PPP1R42: variants seen among roughly 807,000 people sequenced by gnomAD.
PPP1R42 encodes the protein protein phosphatase 1 regulatory subunit 42, also known as leucine rich repeat containing 67.
A neutral mutation model predicts 31.0 loss-of-function variants in PPP1R42; 34 were observed. The observed-to-expected ratio is 1.10, with a 90% CI of 0.83 to 1.46. PPP1R42 has a LOEUF of 1.46. Ranked by LOEUF, PPP1R42 falls within the 40% of genes most tolerant of loss-of-function variation. The pLI is 0.00. For synonymous variants in PPP1R42, 103 were observed against 109.8 expected (o/e 0.94, Z 0.39); for missense variants, 268 against 303.0 (o/e 0.88, Z 0.86).
rs566568724 is a variant in PPP1R42, at chr8:66,981,132, G to A, written c.802+917C>T. Among the ~76,000 whole-genome samples the A allele has an allele frequency of 1.3e-3, 193 of 152,122 alleles. 1 individual carries two copies. Among genetic ancestry groups the A allele is most frequent in the Non-Finnish European group, 2.2e-3 (151 of 68,000 alleles). ...GCTGGGATTACAGGCATGAGCCACC[G>A]TGCCCCGCCAGACTAGTCAGTTCTT... On this transcript the variant is annotated intron_variant, in intron 7 of 7. Coordinates refer to ENST00000685739, the MANE Select transcript of PPP1R42 (RefSeq NM_001364910.1).
intron 5 of PPP1R42, among the ~76,000 whole-genome samples, chr8:66,988,906 G>GT (rs978264080): frequency 6.6e-6 from 1 of 151,638 alleles, no homozygotes; most frequent in African/African-American, 2.4e-5. Context: ...TAAGGAATGT[G>GT]TGTTGTTGCT....
rs373158753 is a variant in PPP1R42 at position 67,012,975 on chromosome 8, T to A, written c.418A>T (p.Thr140Ser). 1.1e-5 allele frequency: 17 copies of A among 1,606,592 alleles called. No homozygotes were observed. The highest frequency in any genetic ancestry group is 1.4e-5 in the Non-Finnish European group (16 of 1,178,020). Residue 140 changes from threonine (T) to serine (S), a missense_variant, in exon 4 of 8, where the codon ACT (threonine) becomes TCT (serine). Physicochemically the swap from Thr to Ser is moderately conservative, Grantham distance 58. Transcript: ENST00000685739. Reference sequence around the variant, plus strand: ...GAACTTACTGCCAGAGAATGAAGAGTTCTTGGATCAAACAGAAGCTTTTCC... The same window carrying A: ...GAACTTACTGCCAGAGAATGAAGAGATCTTGGATCAAACAGAAGCTTTTCC... ...LGEKLLFDPRTLHSLAKSLCI... is the reference protein window; with the variant it reads ...LGEKLLFDPRSLHSLAKSLCI...
chr8:67,002,911 T>G (rs951666815), intron 5 of PPP1R42, among the ~76,000 whole-genome samples: 1 of 151,328 alleles, frequency 6.6e-6, no homozygotes, highest in Non-Finnish European at 1.5e-5. Flanking sequence ...CCCAGCACTT[T>G]GGGAGGCCGA....
In PPP1R42 at chr8:66,984,490, C is replaced by T; in HGVS notation, c.671-2310G>A. 3 of 1,235,524 alleles carry T rather than the reference C, an allele frequency of 2.4e-6. No homozygotes were observed. In the South Asian group the frequency reaches 3.6e-5, roughly 15 times the overall value. The allele number at this position is 1,235,524 out of a possible 1,614,324, so 76.5% of individuals were successfully genotyped here. On this transcript the variant is annotated intron_variant, in intron 6 of 7. Transcript: ENST00000685739. ...CACCACTCCTATCAGGTACAGTTGC[C>T]CAGCATTGGCCTCAATCTTGAACTT...
intron 6 of PPP1R42, chr8:66,985,270 G>A: frequency 1.0e-6 from 1 of 988,422 alleles, no homozygotes; most frequent in African/African-American, 1.6e-5. Context: ...GCGCTGGGAA[G>A]CGACAGTGGA....
intron 2 of PPP1R42, 25 bp downstream of exon 2, chr8:67,017,594 T>A: frequency 1.6e-6 from 2 of 1,251,192 alleles, no homozygotes; most frequent in Non-Finnish European, 2.2e-6. Flanking sequence ...TTATATAAAA[T>A]AGGAAATAAT....
chr8:66,989,355 C>A lies in PPP1R42; in HGVS notation c.553-838G>T, dbSNP rs145674922. Among the ~76,000 whole-genome samples, 22 of 152,214 alleles carry A rather than the reference C, an allele frequency of 1.4e-4. 1 individual carries two copies. The highest frequency in any genetic ancestry group is 4.8e-4 in the African/African-American group (20 of 41,558). ...CTTTGTCCCTATTTGGGTTTCTTTT[C>A]CTATCCAGTGTCACTCCTTCCTCAG... On this transcript the variant is annotated intron_variant, in intron 5 of 7. Coordinates refer to ENST00000685739, the MANE Select transcript of PPP1R42 (RefSeq NM_001364910.1).
chr8:66,990,168 G>A (rs949793080), intron 5 of PPP1R42, among the ~76,000 whole-genome samples: 2 of 152,064 alleles, frequency 1.3e-5, no homozygotes, highest in African/African-American at 2.4e-5. Flanking sequence ...CTTATTTTAC[G>A]TTGAGAGTTA....
At chr8:66,968,476 T>C in intron 7 of PPP1R42, 1 of 985,206 alleles carries the variant, frequency 1.0e-6, no homozygotes, top group Non-Finnish European at 1.2e-6. Context: ...GAATATTAAA[T>C]ATAGAGTGTA....
chr8:66,981,962 A>G (rs1022490528), intron 7 of PPP1R42, 87 bp downstream of exon 7: 2 of 1,228,186 alleles, frequency 1.6e-6, no homozygotes, highest in Non-Finnish European at 2.0e-6. Flanking sequence ...CTAAACAAAA[A>G]CTATTTTATT....
At chr8:66,973,512 G>T (rs187503739) in intron 7 of PPP1R42, among the ~76,000 whole-genome samples, 4 of 152,158 alleles carry the variant, frequency 2.6e-5, no homozygotes, top group Admixed American at 2.6e-4. Flanking sequence ...CGCCATATTG[G>T]CCAGGCTGGT....
chr8:66,986,292 A>G, intron 6 of PPP1R42: 1 of 504,668 alleles, frequency 2.0e-6, no homozygotes, highest in South Asian at 1.6e-5. Flanking sequence ...GGCTAATTGT[A>G]GTTATCAACG....
chr8:66,968,489 G>T, intron 7 of PPP1R42: 1 of 985,108 alleles, frequency 1.0e-6, no homozygotes, highest in Non-Finnish European at 1.2e-6. Context: ...AGAGTGTAGG[G>T]ACACGTCTGC....
intron 7 of PPP1R42, among the ~76,000 whole-genome samples, chr8:66,975,368 C>T (rs568937833): frequency 1.9e-4 from 29 of 152,124 alleles, no homozygotes; most frequent in Non-Finnish European, 3.4e-4. Flanking sequence ...TGTTTTTGGG[C>T]GGGGCGCAGT....
intron 3 of PPP1R42, 63 bp downstream of exon 3, chr8:67,014,362 CA>C: frequency 1.2e-5 from 12 of 985,298 alleles, no homozygotes; most frequent in South Asian, 2.7e-5. Context: ...TGCCTTCATG[CA>C]AAAAAATGTA....
intron 7 of PPP1R42, among the ~76,000 whole-genome samples, chr8:66,970,080 CA>C (rs1417563112): frequency 2.0e-5 from 3 of 152,198 alleles, no homozygotes; most frequent in African/African-American, 7.2e-5. Flanking sequence ...CAGCATATGG[CA>C]GATGTCTCAT....
chr8:66,988,156 A>G (rs1221749095), intron 6 of PPP1R42: 1 of 1,108,448 alleles, frequency 9.0e-7, no homozygotes, highest in Non-Finnish European at 1.1e-6. Flanking sequence ...TTTTATTGGT[A>G]ATAGCAAAAT....
At chr8:66,975,777 C>T (rs1302473019) in intron 7 of PPP1R42, among the ~76,000 whole-genome samples, 1 of 151,926 alleles carries the variant, frequency 6.6e-6, no homozygotes. Flanking sequence ...TTATAGGGTA[C>T]ATAGTGATGT....
At chr8:67,020,530 G>A (rs903263679) in intron 1 of PPP1R42, among the ~76,000 whole-genome samples, 3 of 152,168 alleles carry the variant, frequency 2.0e-5, no homozygotes, top group African/African-American at 7.2e-5. Context: ...CAGATTGCCT[G>A]GTTCCAATTT....
Sources: gnomAD v4.1 joint callset for allele counts (sites outside exome capture counted in the v4.1 genomes callset) on GRCh38, gnomAD v4.1.1 for gene constraint, MANE v1.5 for transcripts, NCBI Gene and HGNC (gene_info 2026-07-23, HGNC 2026-07-21) for gene names.